Variants in IKBIP observed in about 807,000 individuals in gnomAD.
IKBIP encodes inhibitor of nuclear factor kappa-B kinase-interacting protein.
A neutral mutation model predicts 31.0 loss-of-function variants in IKBIP; 28 were observed. The observed-to-expected ratio is 0.90, with a 90% CI of 0.67 to 1.24. The LOEUF is 1.24. Among genes scored for constraint, IKBIP ranks in the 50% most tolerant of loss-of-function variants. The probability of loss-of-function intolerance (pLI) is 0.00; values close to 1 mark genes in which losing one functional copy is unlikely to be tolerated. For synonymous variants in IKBIP, 164 were observed against 160.3 expected, an observed-to-expected ratio of 1.02 and a Z score of -0.17; for missense variants, 453 against 441.9, an observed-to-expected ratio of 1.03 and a Z score of -0.23.
chr12:98,627,231 A>G (rs138533051), intron 2 of IKBIP, among the ~76,000 whole-genome samples: 2 of 151,756 alleles, frequency 1.3e-5, no homozygotes, highest in East Asian at 1.9e-4. Context: ...GGCCTCCCAA[A>G]GTACTAGAAT....
intron 2 of IKBIP, among the ~76,000 whole-genome samples, chr12:98,633,495 C>CT (rs67721403): frequency 3.7e-4 from 35 of 94,154 alleles, no homozygotes; most frequent in Middle Eastern, 7.7e-3. Flanking sequence ...GCTAGCCGTT[C>CT]TTTTTTTTTT....
chr12:98,629,816 A>G (rs894842129), intron 2 of IKBIP, among the ~76,000 whole-genome samples: 1 of 152,228 alleles, frequency 6.6e-6, no homozygotes, highest in Non-Finnish European at 1.5e-5. Flanking sequence ...TGAAAGCAGT[A>G]TACCCCAAGT....
At position 98,626,635 on chromosome 12, in the gene IKBIP, T is replaced by C. The variant is rs1565840288; in HGVS notation, c.429A>G (p.Gln143=). The change falls in exon 3 of 3, where the codon CAA becomes CAG. Residue 143 remains glutamine (Q), a synonymous_variant. Transcript: ENST00000299157. ...DIQNNEEVLT[Q]RMQSLNEKFQ... Reference sequence around the variant, plus strand: ...ATTTCTCATTAAGGCTTTGCATCCTTTGAGTGAGCACCTCTTCATTATTTT... The same window carrying C: ...ATTTCTCATTAAGGCTTTGCATCCTCTGAGTGAGCACCTCTTCATTATTTT... 1 of 1,614,002 alleles carries C rather than the reference T, an allele frequency of 6.2e-7. No homozygotes were observed. The highest frequency in any genetic ancestry group is 8.5e-7 in the Non-Finnish European group (1 of 1,180,014).
intron 2 of IKBIP, among the ~76,000 whole-genome samples, chr12:98,616,957 A>G (rs2097606617): frequency 6.6e-6 from 1 of 152,128 alleles, no homozygotes; most frequent in Non-Finnish European, 1.5e-5. Context: ...TGCTTTGGCT[A>G]TTCGGGGTCT....
At position 98,625,688 on chromosome 12, in the gene IKBIP, A is replaced by G; in HGVS notation, c.*242T>C. 4.2e-6 allele frequency: 1 copy of G among 238,162 alleles called. No individual in the cohort carries two copies. 14.8% of individuals were successfully genotyped at this position (238,162 alleles called of 1,614,324 possible). Reference sequence around the variant, plus strand: ...TTAAAAAACATTAAAAATATTAAGTATCTTGTTTTAAAAGTAGAGAAATAT... The same window carrying G: ...TTAAAAAACATTAAAAATATTAAGTGTCTTGTTTTAAAAGTAGAGAAATAT... On this transcript the variant is annotated 3_prime_UTR_variant, in exon 3 of 3. Coordinates refer to ENST00000299157, the MANE Select transcript of IKBIP (RefSeq NM_153687.4).
At chr12:98,629,953 T>C (rs911214048) in intron 2 of IKBIP, among the ~76,000 whole-genome samples, 1 of 152,178 alleles carries the variant, frequency 6.6e-6, no homozygotes, top group South Asian at 2.1e-4. Context: ...AAATTTTTTT[T>C]GTAGAGATGG....
downstream of IKBIP, among the ~76,000 whole-genome samples, chr12:98,621,588 C>T (rs778857043): frequency 1.3e-5 from 2 of 152,112 alleles, no homozygotes; most frequent in Non-Finnish European, 2.9e-5. Context: ...GTAGCAGGCT[C>T]CATGGTGTAG....
chr12:98,635,521 A>G (rs12371097), intron 1 of IKBIP, among the ~76,000 whole-genome samples: 29,017 of 152,174 alleles, frequency 0.19, 2,936 homozygotes, highest in Non-Finnish European at 0.2. Flanking sequence ...AGATGGTGTG[A>G]TATCTGTAAT....
In IKBIP at chr12:98,644,716, GGAC is replaced by G; in HGVS notation, c.-18_-16del. 6.3e-7 allele frequency: 1 copy of G among 1,598,462 alleles called. No individual in the cohort carries two copies. The highest frequency in any genetic ancestry group is 8.5e-7 in the Non-Finnish European group (1 of 1,175,488). On this transcript the variant is annotated 5_prime_UTR_variant, in exon 1 of 3. Coordinates refer to ENST00000299157, the MANE Select transcript of IKBIP (RefSeq NM_153687.4). ...ACCTCAGACATGTCTGGAGACCCTAGGACGACAAGCCCAGGGCAGCTTCTTCAC... is the reference window on the plus strand; with the variant it reads ...ACCTCAGACATGTCTGGAGACCCTAGGACAAGCCCAGGGCAGCTTCTTCAC...
chr12:98,636,350 T>C (rs930100967), intron 1 of IKBIP, among the ~76,000 whole-genome samples: 1 of 152,242 alleles, frequency 6.6e-6, no homozygotes, highest in Non-Finnish European at 1.5e-5. Context: ...CTTAGAACCA[T>C]ACTGACTGAC....
At chr12:98,643,816 T>TTTTTTTTTTTTTTC in intron 1 of IKBIP, among the ~76,000 whole-genome samples, 3 of 119,840 alleles carry the variant, frequency 2.5e-5, no homozygotes. Flanking sequence ...GATATGGTTT[T>TTTTTTTTTTTTTTC]CTTTTTTTTT....
chr12:98,627,448 T>C (rs534614623), intron 2 of IKBIP, among the ~76,000 whole-genome samples: 2,230 of 149,094 alleles, frequency 0.015, 32 homozygotes, highest in African/African-American at 0.034. Flanking sequence ...TCTTTTTTTT[T>C]TTTTTTTTGA....
intron 2 of IKBIP, among the ~76,000 whole-genome samples, chr12:98,618,600 T>G (rs2097607708): frequency 6.9e-6 from 1 of 145,520 alleles, no homozygotes. Flanking sequence ...CACTCCAGCC[T>G]GGGCGACAGA....
chr12:98,630,939 T>C (rs1157403564), intron 2 of IKBIP, among the ~76,000 whole-genome samples: 1 of 3,362 alleles, frequency 3.0e-4, no homozygotes, highest in South Asian at 0.012. Flanking sequence ...TTTCTTTTCA[T>C]TTTTTTTTTT....
At chr12:98,623,418 G>T (rs985563214), downstream of IKBIP, among the ~76,000 whole-genome samples, 3 of 146,834 alleles carry the variant, frequency 2.0e-5, no homozygotes, top group Admixed American at 6.8e-5. Flanking sequence ...GCTTTTTTTT[G>T]ACTTTTAGTA....
At position 98,627,727 on chromosome 12, in the gene IKBIP, C is replaced by T. The variant is rs529489639; in HGVS notation, c.298-961G>A. Among the ~76,000 whole-genome samples the T allele has an allele frequency of 5.9e-5, 9 of 152,308 alleles. No individual in the cohort carries two copies. In the East Asian group the frequency reaches 1.3e-3, roughly 23 times the overall value. On this transcript the variant is annotated intron_variant, in intron 2 of 2. Transcript: ENST00000299157. ...TGCTGGGATTACAGGCGTGAGCCAC[C>T]GCGCCCAGCCCTCGATGTCATTTTT...
Position 98,626,148 on chromosome 12 carries a change from T to C in IKBIP, c.916A>G (p.Asn306Asp), listed in dbSNP as rs761979536. ...KMEDLTMQMF[N>D]MEDDMLKAVS... ...GCTTTCAGCATATCATCTTCCATAT[T>C]AAACATCTGCATAGTCAAGTCTTCC... The change falls in exon 3 of 3, where the codon AAT (asparagine) becomes GAT (aspartate). Residue 306 changes from asparagine (N) to aspartate (D), a missense_variant. Physicochemically the swap from Asn to Asp is conservative, Grantham distance 23. Coordinates refer to ENST00000299157, the MANE Select transcript of IKBIP (RefSeq NM_153687.4). 1.7e-5 allele frequency: 27 copies of C among 1,611,756 alleles called. No homozygotes were observed. The highest frequency in any genetic ancestry group is 2.3e-5 in the Non-Finnish European group (27 of 1,178,496).
downstream of IKBIP, among the ~76,000 whole-genome samples, chr12:98,619,713 AC>A (rs2097608556): frequency 6.6e-6 from 1 of 151,752 alleles, no homozygotes; most frequent in Non-Finnish European, 1.5e-5. Flanking sequence ...GGAGTTCAAG[AC>A]CAGCCTGGGC....
chr12:98,620,116 T>G (rs865950595), downstream of IKBIP, among the ~76,000 whole-genome samples: 424 of 143,470 alleles, frequency 3.0e-3, 3 homozygotes, highest in African/African-American at 0.01. Context: ...TTTTTTTTAG[T>G]AGAGACGGGG....
Sources: gnomAD v4.1 joint callset for allele counts (sites outside exome capture counted in the v4.1 genomes callset) on GRCh38, gnomAD v4.1.1 for gene constraint, MANE v1.5 for transcripts, NCBI Gene and HGNC (gene_info 2026-07-23, HGNC 2026-07-21) for gene names.